GLRA3: variants seen among roughly 807,000 people sequenced by gnomAD.
GLRA3 encodes glycine receptor subunit alpha-3.
Under a neutral mutation model 60.4 loss-of-function variants are expected in GLRA3, and 44 were observed. That is an observed-to-expected ratio of 0.73 (90% CI 0.57 to 0.94). GLRA3 has a LOEUF of 0.94. Among genes scored for constraint, GLRA3 ranks in the 40% least tolerant of loss-of-function variants. GLRA3 has a pLI of 0.00. For synonymous variants in GLRA3, 223 were observed against 192.9 expected (o/e 1.16, Z -1.29); for missense variants, 508 against 564.6 (o/e 0.90, Z 1.02).
intron 5 of GLRA3, among the ~76,000 whole-genome samples, chr4:174,702,336 A>T (rs1229594499): frequency 1.3e-5 from 2 of 152,230 alleles, no homozygotes; most frequent in African/African-American, 4.8e-5. Flanking sequence ...ATTTTTAGAC[A>T]TAAAATGCTA....
At chr4:174,793,423 C>CATTCATTT (rs1739437960) in intron 1 of GLRA3, among the ~76,000 whole-genome samples, 3 of 120,034 alleles carry the variant, frequency 2.5e-5, no homozygotes, top group East Asian at 4.3e-4. Context: ...AATTTACATT[C>CATTCATTT]ATTTATTTAT....
chr4:174,670,267 T>A (rs1733854956), intron 7 of GLRA3, among the ~76,000 whole-genome samples: 1 of 152,190 alleles, frequency 6.6e-6, no homozygotes, highest in Admixed American at 6.5e-5. Flanking sequence ...GTTTTGTGCT[T>A]CTATAGCATC....
intron 7 of GLRA3, among the ~76,000 whole-genome samples, chr4:174,662,734 A>G (rs1001301106): frequency 1.3e-5 from 2 of 151,602 alleles, no homozygotes; most frequent in African/African-American, 4.8e-5. Context: ...CTCAGGCTAG[A>G]CTTTGCCCAA....
chr4:174,707,187 T>C (rs1366121075), intron 5 of GLRA3, among the ~76,000 whole-genome samples: 9 of 152,184 alleles, frequency 5.9e-5, no homozygotes, highest in Non-Finnish European at 1.3e-4. Context: ...GACAAATACC[T>C]GTAGTGCACT....
rs1460786196 is a variant in GLRA3, at chr4:174,640,668, T to C, written c.*3118A>G. 2 of 151,996 alleles carry C rather than the reference T, an allele frequency of 1.3e-5. No homozygotes were observed. The highest frequency in any genetic ancestry group is 2.9e-5 in the Non-Finnish European group (2 of 67,946). The allele number at this position is 151,996 out of a possible 1,614,324, so 9.4% of individuals were successfully genotyped here. On this transcript the variant is annotated 3_prime_UTR_variant, in exon 10 of 10. Coordinates refer to ENST00000274093, the MANE Select transcript of GLRA3 (RefSeq NM_006529.4). The stretch of plus-strand genomic sequence containing the variant: ...ATTATTCATTTTTTTTTCTAAAATT[T>C]CCCTTACCTTCCATGAGATCCTGGG...
intron 2 of GLRA3, among the ~76,000 whole-genome samples, chr4:174,773,886 A>T (rs189137038): frequency 1.8e-4 from 27 of 152,254 alleles, no homozygotes; most frequent in Non-Finnish European, 2.6e-4. Flanking sequence ...GGTCGTAGTA[A>T]CCTAAGGCAG....
intron 6 of GLRA3, among the ~76,000 whole-genome samples, chr4:174,681,152 T>C (rs1379211437): frequency 6.6e-6 from 1 of 152,212 alleles, no homozygotes; most frequent in Non-Finnish European, 1.5e-5. Context: ...CATTCCTTGC[T>C]TATAGTAGGC....
chr4:174,664,287 T>G (rs546764612), intron 7 of GLRA3, among the ~76,000 whole-genome samples: 1 of 152,246 alleles, frequency 6.6e-6, no homozygotes, highest in East Asian at 1.9e-4. Context: ...CAAATCTCTA[T>G]TTCCTGACTA....
At chr4:174,701,318 T>G (rs532971377) in intron 5 of GLRA3, among the ~76,000 whole-genome samples, 1 of 152,308 alleles carries the variant, frequency 6.6e-6, no homozygotes, top group East Asian at 1.9e-4. Context: ...GCCCACCTGT[T>G]TACCGCATAG....
chr4:174,790,982 C>T (rs1461832856), intron 1 of GLRA3, among the ~76,000 whole-genome samples: 3 of 146,336 alleles, frequency 2.1e-5, no homozygotes, highest in African/African-American at 7.7e-5. Context: ...GCAGCCTGGA[C>T]CACACAGCGA....
chr4:174,646,611 G>A (rs940234088), intron 9 of GLRA3, among the ~76,000 whole-genome samples: 2 of 152,152 alleles, frequency 1.3e-5, no homozygotes, highest in African/African-American at 4.8e-5. Flanking sequence ...CCTGTGTGAA[G>A]GCAATCATAA....
At chr4:174,741,489 C>T (rs1561089319) in intron 3 of GLRA3, among the ~76,000 whole-genome samples, 1 of 152,030 alleles carries the variant, frequency 6.6e-6, no homozygotes, top group Non-Finnish European at 1.5e-5. Context: ...ATATCCTTTG[C>T]CAGACATGAG....
intron 4 of GLRA3, 64 bp downstream of exon 4, chr4:174,728,411 C>T (rs1261464335): frequency 1.1e-6 from 1 of 917,852 alleles, no homozygotes. Flanking sequence ...ACCAAACAAA[C>T]CAACCAACAA....
intron 3 of GLRA3, among the ~76,000 whole-genome samples, chr4:174,757,790 T>A (rs6846254): frequency 0.95 from 144,018 of 152,234 alleles, 68,622 homozygotes; most frequent in East Asian, 1. Flanking sequence ...CTACATGCAG[T>A]GACTTACTTT....
Position 174,806,661 on chromosome 4 carries a change from G to A in GLRA3, c.72-17718C>T, listed in dbSNP as rs192555883. Reference sequence around the variant, plus strand: ...TATCAGTAATCTAGAGATGATTTAAGGTATGTGAGAAGATATGGGTAGGTT... The same window carrying A: ...TATCAGTAATCTAGAGATGATTTAAAGTATGTGAGAAGATATGGGTAGGTT... On this transcript the variant is annotated intron_variant, in intron 1 of 9. Transcript: ENST00000274093. Among the ~76,000 whole-genome samples, 758 of 152,076 alleles carry A rather than the reference G, an allele frequency of 5.0e-3. 2 individuals are homozygous for A. The highest frequency in any genetic ancestry group is 8.3e-3 in the Non-Finnish European group (564 of 67,912).
chr4:174,673,827 C>T (rs1733999815), intron 7 of GLRA3, among the ~76,000 whole-genome samples: 1 of 152,022 alleles, frequency 6.6e-6, no homozygotes, highest in South Asian at 2.1e-4. Flanking sequence ...AGAAAAGAAC[C>T]CACAATTAAC....
chr4:174,819,626 G>C (rs572803903), intron 1 of GLRA3, among the ~76,000 whole-genome samples: 5 of 152,096 alleles, frequency 3.3e-5, no homozygotes, highest in South Asian at 2.1e-4. Context: ...TACTATTTCG[G>C]GTAGTTATTC....
intron 3 of GLRA3, among the ~76,000 whole-genome samples, chr4:174,755,443 A>G (rs1737654797): frequency 6.6e-6 from 1 of 152,158 alleles, no homozygotes; most frequent in South Asian, 2.1e-4. Context: ...ATGTCATTGA[A>G]GTATGACAAA....
intron 5 of GLRA3, among the ~76,000 whole-genome samples, chr4:174,692,730 G>A (rs1490046110): frequency 6.6e-6 from 1 of 151,650 alleles, no homozygotes; most frequent in African/African-American, 2.4e-5. Flanking sequence ...TTAAACAGAT[G>A]CTTGAAGGCA....
Sources: gnomAD v4.1 joint callset for allele counts (sites outside exome capture counted in the v4.1 genomes callset) on GRCh38, gnomAD v4.1.1 for gene constraint, MANE v1.5 for transcripts, NCBI Gene and HGNC (gene_info 2026-07-23, HGNC 2026-07-21) for gene names.